The following PTPRG variants were observed in gnomAD, a reference collection of about 807,000 sequenced individuals.
The protein encoded by PTPRG is receptor-type tyrosine-protein phosphatase gamma.
PTPRG carries 102 observed loss-of-function variants against 165.3 expected under a neutral mutation model. The ratio of observed to expected loss-of-function variants is 0.62; its 90% CI spans 0.53 to 0.73. The LOEUF (loss-of-function observed/expected upper bound fraction) is 0.73. Among genes scored for constraint, PTPRG ranks in the 30% least tolerant of loss-of-function variants. The pLI is 0.00. For missense variants in PTPRG, 1,866 were observed against 1,861.4 expected, an observed-to-expected ratio of 1.00 and a Z score of -0.05; for synonymous variants, 675 against 669.5, an observed-to-expected ratio of 1.01 and a Z score of -0.13.
intron 2 of PTPRG, among the ~76,000 whole-genome samples, chr3:61,847,972 G>A (rs2036852856): frequency 6.6e-6 from 1 of 152,206 alleles, no homozygotes; most frequent in Non-Finnish European, 1.5e-5. Context: ...TTCTTCCTCA[G>A]ACTTTATGAA....
At chr3:61,821,804 C>T (rs1180999764) in intron 2 of PTPRG, among the ~76,000 whole-genome samples, 1 of 152,158 alleles carries the variant, frequency 6.6e-6, no homozygotes, top group Non-Finnish European at 1.5e-5. Flanking sequence ...ATGCTAAGCG[C>T]TTTACTAGTA....
intron 2 of PTPRG, among the ~76,000 whole-genome samples, chr3:61,815,580 C>T (rs1340663598): frequency 2.0e-5 from 3 of 152,120 alleles, no homozygotes; most frequent in Admixed American, 1.3e-4. Flanking sequence ...TATATATTGA[C>T]AAGATTGTAG....
chr3:61,622,593 T>C (rs981620240), intron 1 of PTPRG, among the ~76,000 whole-genome samples: 2 of 152,210 alleles, frequency 1.3e-5, no homozygotes, highest in African/African-American at 4.8e-5. Flanking sequence ...ATCTTGTAAA[T>C]TACTTTCCTC....
intron 1 of PTPRG, among the ~76,000 whole-genome samples, chr3:61,673,152 ACT>A (rs2107081991): frequency 6.6e-6 from 1 of 152,170 alleles, no homozygotes; most frequent in South Asian, 2.1e-4. Context: ...ACAGAGCGAT[ACT>A]CTGTCTCAAA....
At chr3:61,564,576 G>C (rs1268211486) in intron 1 of PTPRG, among the ~76,000 whole-genome samples, 3 of 152,224 alleles carry the variant, frequency 2.0e-5, no homozygotes, top group African/African-American at 7.2e-5. Flanking sequence ...GGTGGGAGGC[G>C]CAGGGAAGAG....
At chr3:61,905,724 C>T (rs971395332) in intron 2 of PTPRG, among the ~76,000 whole-genome samples, 67 of 152,312 alleles carry the variant, frequency 4.4e-4, no homozygotes, top group African/African-American at 1.5e-3. Flanking sequence ...GATTTTCACT[C>T]TTTCTATGGT....
At chr3:62,016,064 A>G (rs1455595155) in intron 4 of PTPRG, among the ~76,000 whole-genome samples, 1 of 152,204 alleles carries the variant, frequency 6.6e-6, no homozygotes, top group Non-Finnish European at 1.5e-5. Context: ...AGTGATCATT[A>G]AGCACATTAT....
chr3:62,169,197 T>C (rs985894327), intron 8 of PTPRG, among the ~76,000 whole-genome samples: 5 of 151,820 alleles, frequency 3.3e-5, no homozygotes, highest in Admixed American at 1.3e-4. Flanking sequence ...GGCCCAAGGG[T>C]CTCCAAATTT....
intron 8 of PTPRG, among the ~76,000 whole-genome samples, chr3:62,171,425 A>C (rs375732001): frequency 2.0e-5 from 3 of 152,310 alleles, no homozygotes. Context: ...TAAAGGCATA[A>C]TTTACATACC....
At chr3:61,783,485 G>A (rs988546399) in intron 2 of PTPRG, among the ~76,000 whole-genome samples, 3 of 152,180 alleles carry the variant, frequency 2.0e-5, no homozygotes, top group Non-Finnish European at 4.4e-5. Context: ...CTACAATAAT[G>A]CAGAAATGCA....
At chr3:62,085,798 T>G (rs983072728) in intron 5 of PTPRG, among the ~76,000 whole-genome samples, 1 of 152,362 alleles carries the variant, frequency 6.6e-6, no homozygotes. Context: ...ACTCATTTGT[T>G]CACTCTGCAT....
rs774298254 is a variant in PTPRG, at chr3:61,632,005, G to A, written c.85+69633G>A. Among the ~76,000 whole-genome samples the A allele has an allele frequency of 3.3e-5, 5 of 152,052 alleles. No individual in the cohort carries two copies. In the South Asian group the frequency reaches 1.0e-3, roughly 32 times the overall value. On this transcript the variant is annotated intron_variant, in intron 1 of 29. Coordinates refer to ENST00000474889, the MANE Select transcript of PTPRG (RefSeq NM_002841.4). ...ATCAATTCTGCAAAGGTAAGATTTC[G>A]GTCAAAAATCTATAGTCAGCTGGGT...
intron 2 of PTPRG, among the ~76,000 whole-genome samples, chr3:61,925,440 C>T (rs1342525008): frequency 6.6e-6 from 1 of 152,182 alleles, no homozygotes. Flanking sequence ...CAGCAAACTT[C>T]TCCTTAAAAA....
At chr3:61,753,319 T>A (rs1008532496) in intron 2 of PTPRG, among the ~76,000 whole-genome samples, 3 of 152,210 alleles carry the variant, frequency 2.0e-5, no homozygotes, top group Non-Finnish European at 4.4e-5. Context: ...GAGTTAAGTT[T>A]CATATAGAAT....
At chr3:61,817,915 G>T (rs1443203185) in intron 2 of PTPRG, among the ~76,000 whole-genome samples, 1 of 152,146 alleles carries the variant, frequency 6.6e-6, no homozygotes, top group African/African-American at 2.4e-5. Flanking sequence ...AACTGCTGGG[G>T]GTAGAAGTCA....
chr3:61,785,383 A>C (rs1430123072), intron 2 of PTPRG, among the ~76,000 whole-genome samples: 1 of 152,224 alleles, frequency 6.6e-6, no homozygotes, highest in Non-Finnish European at 1.5e-5. Flanking sequence ...GAAGAGAGAT[A>C]TATTTATATA....
At chr3:61,798,199 A>G (rs554399195) in intron 2 of PTPRG, among the ~76,000 whole-genome samples, 14 of 152,356 alleles carry the variant, frequency 9.2e-5, no homozygotes, top group Non-Finnish European at 1.5e-4. Context: ...TAAAGAGTTT[A>G]TTAGCTGTGA....
chr3:61,936,894 T>C (rs2039496180), intron 2 of PTPRG, among the ~76,000 whole-genome samples: 1 of 152,234 alleles, frequency 6.6e-6, no homozygotes, highest in African/African-American at 2.4e-5. Flanking sequence ...TATGAGGGAA[T>C]AGGATGTTTG....
Position 62,277,261 on chromosome 3 carries a change from G to T in PTPRG, c.3636+213G>T, listed in dbSNP as rs1702261111. On this transcript the variant is annotated intron_variant, in intron 25 of 29. Transcript: ENST00000474889. ...TAAATTAAGCAGAATGCTTCTTAAG[G>T]AATTAATTTTATTGTTAATTTCACA... is the stretch of plus-strand genomic sequence containing the variant. Among the ~76,000 whole-genome samples the T allele has an allele frequency of 1.3e-5, 2 of 152,094 alleles. 1 individual carries two copies. Among genetic ancestry groups the T allele is most frequent in the Admixed American group, 1.3e-4 (2 of 15,242 alleles).
Sources: gnomAD v4.1 joint callset for allele counts (sites outside exome capture counted in the v4.1 genomes callset) on GRCh38, gnomAD v4.1.1 for gene constraint, MANE v1.5 for transcripts, NCBI Gene and HGNC (gene_info 2026-07-23, HGNC 2026-07-21) for gene names.